YBX3: variants seen among roughly 807,000 people sequenced by gnomAD.
The protein encoded by YBX3 is Y-box binding protein 3.
A neutral mutation model predicts 42.4 loss-of-function variants in YBX3; 29 were observed. That is an observed-to-expected ratio of 0.68 (90% confidence interval 0.51 to 0.93). YBX3 has a LOEUF of 0.93. YBX3 is among the 40% of genes least tolerant of loss of function. The pLI, the probability that YBX3 is intolerant of heterozygous loss-of-function variation, is 0.00. For missense variants in YBX3, 517 were observed against 527.5 expected, an observed-to-expected ratio of 0.98 and a Z score of 0.19; for synonymous variants, 195 against 189.8, an observed-to-expected ratio of 1.03 and a Z score of -0.22.
chr12:10,722,079 C>CAA (rs1346994407), intron 1 of YBX3: 1 of 152,278 alleles, frequency 6.6e-6, no homozygotes, highest in Non-Finnish European at 1.5e-5. Context: ...CCACTTCCGA[C>CAA]AAAGTTTTTT....
At chr12:10,706,841 C>T (rs951750345) in intron 6 of YBX3, among the ~76,000 whole-genome samples, 4 of 152,062 alleles carry the variant, frequency 2.6e-5, no homozygotes, top group Non-Finnish European at 5.9e-5. Flanking sequence ...CACAGTGAAA[C>T]CTCGTTTCTA....
intron 1 of YBX3, 79 bp from the exon 2 acceptor site, chr12:10,719,222 T>C: frequency 1.6e-6 from 2 of 1,250,752 alleles, no homozygotes; most frequent in Non-Finnish European, 2.3e-6. Flanking sequence ...CTTGATAACA[T>C]TAGACAAAGC....
chr12:10,711,655 C>T (rs968368270), intron 5 of YBX3: 1 of 152,216 alleles, frequency 6.6e-6, no homozygotes, highest in African/African-American at 2.4e-5. Flanking sequence ...GCTGAACACA[C>T]TCTTTTGAGA....
At chr12:10,699,828 TCTCA>T (rs1195109545) in intron 9 of YBX3, among the ~76,000 whole-genome samples, 174 bp from the exon 10 acceptor site, 1 of 152,160 alleles carries the variant, frequency 6.6e-6, no homozygotes, top group Non-Finnish European at 1.5e-5. Flanking sequence ...AAATGGAAAC[TCTCA>T]CTTTTTAATA....
In YBX3 at chr12:10,708,961, G is replaced by A. The variant is rs112825534; in HGVS notation, c.780+947C>T. On this transcript the variant is annotated intron_variant, in intron 6 of 9. Coordinates refer to ENST00000228251, the MANE Select transcript of YBX3 (RefSeq NM_003651.5). ...TGTCCTTGTTTCCTAGAAGCCCAGA[G>A]TGCTGCCCTAAAGCTACTATGTCTC... Among the ~76,000 whole-genome samples, 320 of 152,276 alleles carry A rather than the reference G, an allele frequency of 2.1e-3. 1 individual carries two copies. The highest frequency in any genetic ancestry group is 3.6e-3 in the Non-Finnish European group (244 of 68,020).
At chr12:10,705,394 C>G (rs1591574527) in intron 6 of YBX3, among the ~76,000 whole-genome samples, 1 of 152,076 alleles carries the variant, frequency 6.6e-6, no homozygotes, top group East Asian at 1.9e-4. Context: ...CGTTGGTTTT[C>G]ATGACCCTGA....
Position 10,710,061 on chromosome 12 carries a change from G to A in YBX3, c.627C>T (p.Pro209=). 6.2e-7 allele frequency: 1 copy of A among 1,614,114 alleles called. No homozygotes were observed. The highest frequency in any genetic ancestry group is 8.5e-7 in the Non-Finnish European group (1 of 1,180,000). Residue 209 remains proline, a synonymous_variant, in exon 6 of 10, where the codon CCC becomes CCT. Coordinates refer to ENST00000228251, the MANE Select transcript of YBX3 (RefSeq NM_003651.5). ...EGSGSSEGFD[P]PATDRQFSGA... ...CAGAGAACTGCCTATCAGTGGCAGG[G>A]GGGTCAAATCCTTCACTGCTGCCGC... is the stretch of plus-strand genomic sequence containing the variant.
chr12:10,721,842 C>T (rs1948329491), intron 1 of YBX3: 1 of 152,216 alleles, frequency 6.6e-6, no homozygotes, highest in African/African-American at 2.4e-5. Context: ...GATATGGACA[C>T]ACACCCTTTA....
intron 4 of YBX3, among the ~76,000 whole-genome samples, chr12:10,714,203 G>A (rs748566908): frequency 2.6e-5 from 4 of 152,128 alleles, no homozygotes; most frequent in Non-Finnish European, 5.9e-5. Flanking sequence ...TGCATCCAAT[G>A]AAATAAATTG....
At chr12:10,700,780 G>A (rs143245181) in intron 9 of YBX3, among the ~76,000 whole-genome samples, 22 of 152,090 alleles carry the variant, frequency 1.4e-4, no homozygotes, top group African/African-American at 4.6e-4. Context: ...AGCCTGCAAT[G>A]GGTAGATAAA....
chr12:10,715,672 C>T (rs374654409), intron 4 of YBX3, 22 bp downstream of exon 4: 22 of 1,604,852 alleles, frequency 1.4e-5, no homozygotes, highest in Admixed American at 1.2e-4. Flanking sequence ...CACTTTGATA[C>T]CCAACCACAA....
Position 10,723,205 on chromosome 12 carries a change from G to C in YBX3, c.-94C>G. 6.8e-6 allele frequency: 8 copies of C among 1,175,394 alleles called. No homozygotes were observed. Among genetic ancestry groups the C allele is most frequent in the Non-Finnish European group, 8.4e-6 (8 of 952,068 alleles). The allele number at this position is 1,175,394 out of a possible 1,614,324, so 72.8% of individuals were successfully genotyped here. A position where few individuals can be genotyped will look rare whatever the true frequency, so the allele number is the denominator to read the frequency against. On this transcript the variant is annotated 5_prime_UTR_variant, in exon 1 of 10. Transcript: ENST00000228251. ...GTCGCGGCGGCCGGGGCTCGCTCTCGGGGAGGCCGGGGCGGATCTCGCGGC... is the reference window on the plus strand; with the variant it reads ...GTCGCGGCGGCCGGGGCTCGCTCTCCGGGAGGCCGGGGCGGATCTCGCGGC...
chr12:10,715,172 C>A (rs1465939447), intron 4 of YBX3, among the ~76,000 whole-genome samples: 2 of 152,140 alleles, frequency 1.3e-5, no homozygotes, highest in Non-Finnish European at 2.9e-5. Flanking sequence ...GCTTTTCTTT[C>A]CATAATCAGA....
intron 3 of YBX3, chr12:10,716,074 G>C (rs1948258841): frequency 1.1e-5 from 4 of 348,440 alleles, no homozygotes; most frequent in Admixed American, 4.7e-5. Flanking sequence ...GTTACAGGCT[G>C]ATCACCTGAT....
In YBX3 at chr12:10,713,207, G is replaced by A. The variant is rs1408824548; in HGVS notation, c.573+4C>T. On this transcript the variant is annotated splice_donor_region_variant and intron_variant, in intron 5 of 9. Transcript: ENST00000228251. ...TCACTGGTTAAGTAACAGAGACAAC[G>A]TACATTCCGGGGAGGGCCACGGCGC... 3 of 1,609,518 alleles carry A rather than the reference G, an allele frequency of 1.9e-6. No individual in the cohort carries two copies. Among genetic ancestry groups the A allele is most frequent in the South Asian group, 1.1e-5 (1 of 90,276 alleles).
chr12:10,722,733 G>A, intron 1 of YBX3, 117 bp downstream of exon 1: 1 of 967,398 alleles, frequency 1.0e-6, no homozygotes, highest in Non-Finnish European at 1.3e-6. Flanking sequence ...TGGGGACCCT[G>A]TGCTGTCAGC....
chr12:10,701,851 TA>T, intron 8 of YBX3, 108 bp downstream of exon 8: 1 of 1,301,220 alleles, frequency 7.7e-7, no homozygotes. Context: ...AAAATGTTTT[TA>T]TATTTGTTAA....
chr12:10,705,719 C>T (rs150596526), intron 6 of YBX3, among the ~76,000 whole-genome samples: 4 of 152,154 alleles, frequency 2.6e-5, no homozygotes, highest in African/African-American at 4.8e-5. Context: ...ATATACTATT[C>T]GTTATCAAAT....
At chr12:10,702,672 A>G (rs1164091833) in intron 7 of YBX3, 1 of 152,344 alleles carries the variant, frequency 6.6e-6, no homozygotes, top group Non-Finnish European at 1.5e-5. Context: ...AGGAACATAC[A>G]TATACTGAAC....
Sources: gnomAD v4.1 joint callset for allele counts (sites outside exome capture counted in the v4.1 genomes callset) on GRCh38, gnomAD v4.1.1 for gene constraint, MANE v1.5 for transcripts, NCBI Gene and HGNC (gene_info 2026-07-23, HGNC 2026-07-21) for gene names.